Variants in GPC5 observed in about 807,000 individuals in gnomAD.
GPC5 encodes the protein glypican-5.
In GPC5, 47 loss-of-function variants were observed where a neutral mutation model predicts 53.9. The observed-to-expected ratio is 0.87, with a 90% confidence interval of 0.69 to 1.11. The LOEUF is 1.11. Ranked by LOEUF, GPC5 falls within the 50% of genes most tolerant of loss-of-function variation. GPC5 has a pLI of 0.00. For missense variants in GPC5, 748 were observed against 713.1 expected (o/e 1.05, Z -0.56); for synonymous variants, 286 against 263.3 (o/e 1.09, Z -0.84).
At chr13:91,930,744 ATT>A (rs2039814197) in intron 6 of GPC5, among the ~76,000 whole-genome samples, 1 of 152,032 alleles carries the variant, frequency 6.6e-6, no homozygotes, top group Non-Finnish European at 1.5e-5. Flanking sequence ...CAAACTAATC[ATT>A]CTTTGACTCT....
intron 7 of GPC5, among the ~76,000 whole-genome samples, chr13:92,657,511 T>A (rs1443276212): frequency 6.7e-6 from 1 of 150,178 alleles, no homozygotes; most frequent in East Asian, 2.0e-4. Flanking sequence ...CAACTATGAT[T>A]AAATTAGAGA....
intron 7 of GPC5, among the ~76,000 whole-genome samples, chr13:92,211,771 GA>G (rs2042377032): frequency 6.7e-6 from 1 of 149,594 alleles, no homozygotes; most frequent in Admixed American, 6.6e-5. Flanking sequence ...AGGAGCTCCT[GA>G]ATTAGATAGG....
At chr13:92,446,982 A>G (rs1158589409) in intron 7 of GPC5, 1 of 152,090 alleles carries the variant, frequency 6.6e-6, no homozygotes, top group Non-Finnish European at 1.5e-5. Flanking sequence ...TTGGATTGTT[A>G]AATTTTTTCA....
At chr13:91,749,062 G>A (rs1399454098) in intron 4 of GPC5, among the ~76,000 whole-genome samples, 2 of 151,938 alleles carry the variant, frequency 1.3e-5, no homozygotes, top group Non-Finnish European at 2.9e-5. Flanking sequence ...AGATATAGTG[G>A]GCAAAAGTGC....
intron 5 of GPC5, among the ~76,000 whole-genome samples, chr13:91,907,722 A>G (rs1489316913): frequency 6.6e-6 from 1 of 151,788 alleles, no homozygotes; most frequent in Non-Finnish European, 1.5e-5. Flanking sequence ...CATTGAGTGA[A>G]TAACATTATT....
At chr13:91,559,494 T>C (rs181684892) in intron 2 of GPC5, among the ~76,000 whole-genome samples, 1 of 152,204 alleles carries the variant, frequency 6.6e-6, no homozygotes, top group East Asian at 1.9e-4. Flanking sequence ...TTAAATTGCT[T>C]TTGGTTTTTG....
chr13:92,275,981 T>C (rs894553271), intron 7 of GPC5, among the ~76,000 whole-genome samples: 1 of 152,062 alleles, frequency 6.6e-6, no homozygotes, highest in Non-Finnish European at 1.5e-5. Flanking sequence ...TGAGTGATAA[T>C]AGTGCAAGGG....
At chr13:91,519,189 G>A (rs146120818) in intron 2 of GPC5, among the ~76,000 whole-genome samples, 29 of 152,286 alleles carry the variant, frequency 1.9e-4, no homozygotes, top group African/African-American at 6.7e-4. Context: ...GGATAGATGA[G>A]CAATGTCCAA....
intron 7 of GPC5, among the ~76,000 whole-genome samples, chr13:92,590,058 A>G (rs1883666256): frequency 6.6e-6 from 1 of 152,286 alleles, no homozygotes; most frequent in Middle Eastern, 3.4e-3. Context: ...TTATAGCAAG[A>G]AGAGAGAGAG....
chr13:92,276,378 T>G (rs994682173), intron 7 of GPC5, among the ~76,000 whole-genome samples: 8 of 152,118 alleles, frequency 5.3e-5, no homozygotes, highest in African/African-American at 1.9e-4. Context: ...CATCTAAAAT[T>G]CTAATTCTTC....
rs1007926186 is a variant in GPC5, at chr13:91,669,042, G to A, written c.326-24145G>A. 2.3e-4 allele frequency among the ~76,000 whole-genome samples: 35 copies of A among 152,250 alleles called. 1 individual carries two copies. Among genetic ancestry groups the A allele is most frequent in the Admixed American group, 1.9e-3 (29 of 15,270 alleles). ...ACAGTGCTTAAATAAAAAAAATATT[G>A]TGCAATCCTGCATAGTAATTACAAA... is the stretch of plus-strand genomic sequence containing the variant. On this transcript the variant is annotated intron_variant, in intron 2 of 7. Coordinates refer to ENST00000377067, the MANE Select transcript of GPC5 (RefSeq NM_004466.6).
chr13:91,481,536 G>A lies in GPC5; in HGVS notation c.325+32614G>A, dbSNP rs982214813. On this transcript the variant is annotated intron_variant, in intron 2 of 7. Coordinates refer to ENST00000377067, the MANE Select transcript of GPC5 (RefSeq NM_004466.6). ...TACATTAGGGGACTTTGCTACCATG[G>A]GTTTGGGTTAAGGGAGGCTCAGAGG... is the stretch of plus-strand genomic sequence containing the variant. 2.0e-5 allele frequency among the ~76,000 whole-genome samples: 3 copies of A among 152,184 alleles called. 1 individual carries two copies. The highest frequency in any genetic ancestry group is 4.4e-5 in the Non-Finnish European group (3 of 68,026).
At chr13:91,581,453 AG>A (rs2032356790) in intron 2 of GPC5, among the ~76,000 whole-genome samples, 1 of 152,100 alleles carries the variant, frequency 6.6e-6, no homozygotes, top group African/African-American at 2.4e-5. Flanking sequence ...CCTTCATCCA[AG>A]ATCTGGATTC....
intron 7 of GPC5, among the ~76,000 whole-genome samples, chr13:92,710,312 A>G (rs879569839): frequency 6.6e-6 from 1 of 152,194 alleles, no homozygotes; most frequent in Non-Finnish European, 1.5e-5. Flanking sequence ...TGTTGAACTC[A>G]CTAATGTCAT....
At chr13:92,079,101 G>C (rs576242646) in intron 6 of GPC5, among the ~76,000 whole-genome samples, 2 of 152,078 alleles carry the variant, frequency 1.3e-5, no homozygotes, top group Non-Finnish European at 2.9e-5. Flanking sequence ...GCCCAGGCTG[G>C]AGTGCAGTGG....
intron 6 of GPC5, among the ~76,000 whole-genome samples, chr13:91,955,365 G>A (rs2040063562): frequency 6.6e-6 from 1 of 152,170 alleles, no homozygotes. Flanking sequence ...TGTGGAAGAT[G>A]GCTGACTAGA....
chr13:92,865,045 T>C (rs1420026030), intron 7 of GPC5, among the ~76,000 whole-genome samples: 1 of 152,198 alleles, frequency 6.6e-6, no homozygotes, highest in African/African-American at 2.4e-5. Flanking sequence ...CTCAGAACAC[T>C]GATGGCACTA....
At position 91,906,358 on chromosome 13, in the gene GPC5, T is replaced by G. The variant is rs1566334556; in HGVS notation, c.1281-1579T>G. ...AGTTTTTCCCTAGTCTAAGTCCACG[T>G]GGATTTCTCCATATCCAGAATGTCT... is the stretch of plus-strand genomic sequence containing the variant. On this transcript the variant is annotated intron_variant, in intron 5 of 7. Transcript: ENST00000377067. Among the ~76,000 whole-genome samples, 3 of 152,078 alleles carry G rather than the reference T, an allele frequency of 2.0e-5. 1 individual carries two copies. The South Asian group carries it at 6.2e-4, about 32-fold the overall frequency.
intron 7 of GPC5, among the ~76,000 whole-genome samples, chr13:92,763,959 CTG>C (rs1875292716): frequency 6.6e-6 from 1 of 152,106 alleles, no homozygotes; most frequent in African/African-American, 2.4e-5. Flanking sequence ...TGGTGGAACA[CTG>C]TGGTAATCCC....
Sources: allele counts gnomAD v4.1 joint callset (sites outside exome capture counted in the v4.1 genomes callset), GRCh38; gene constraint gnomAD v4.1.1; transcripts MANE v1.5; gene names NCBI Gene and HGNC (gene_info 2026-07-23, HGNC 2026-07-21).